Variants in SLC16A11 observed in about 807,000 individuals in gnomAD.
SLC16A11 encodes monocarboxylate transporter 11.
In SLC16A11, 24 loss-of-function variants were observed where a neutral mutation model predicts 26.0. The observed-to-expected ratio is 0.92, with a 90% CI of 0.67 to 1.30. SLC16A11 has a LOEUF of 1.30. SLC16A11 is among the 50% of genes most tolerant of loss of function. The pLI is 0.00. For missense variants in SLC16A11, 638 were observed against 597.7 expected, an observed-to-expected ratio of 1.07 and a Z score of -0.70; for synonymous variants, 332 against 296.0, an observed-to-expected ratio of 1.12 and a Z score of -1.25.
rs762730143 is a variant in SLC16A11, at chr17:7,042,426, G to T, written c.684C>A (p.Ala228=). The change falls in exon 4 of 5, where the codon GCC becomes GCA. Residue 228 remains alanine (A), a synonymous_variant. Transcript: ENST00000574600. This position sits in a 1 kb window ranked among gnomAD's most constrained non-coding sequence, Gnocchi z 5.9. ...RAFSIFALGT[A]LVGGGYFVPY... is the part of the protein sequence containing the mutation. ...GAACGAAGTACCCGCCCCCAACCAG[G>T]GCTGTGCCTAGAGCAAAGATTGAGA... 6.4e-7 allele frequency: 1 copy of T among 1,558,586 alleles called. No individual in the cohort carries two copies. The highest frequency in any genetic ancestry group is 8.7e-7 in the Non-Finnish European group (1 of 1,150,722).
In SLC16A11 at chr17:7,041,703, G is replaced by T. The variant is rs758762608; in HGVS notation, c.1320C>A (p.Gly440=). Residue 440 remains glycine, a synonymous_variant, in exon 5 of 5, where the codon GGC becomes GGA. Transcript: ENST00000574600. ...ATCAACAAGTGGTGTCCAGAGTGGA[G>T]CCAGGGCCTCCTGGGGACAGCAAGA... is the stretch of plus-strand genomic sequence containing the variant. ...QAVLLSPGGP[G]STLDTTC is the part of the protein sequence containing the mutation. 2 of 1,610,546 alleles carry T rather than the reference G, an allele frequency of 1.2e-6. No homozygotes were observed. The highest frequency in any genetic ancestry group is 1.7e-6 in the Non-Finnish European group (2 of 1,178,444).
chr17:7,041,975 T>C (rs1910759053), intron 4 of SLC16A11, 21 bp downstream of exon 4: 3 of 1,591,514 alleles, frequency 1.9e-6, no homozygotes, highest in Non-Finnish European at 2.6e-6. Context: ...TGTAGGCAGA[T>C]CTGTGAGCTC....
rs1395992197 is a variant in SLC16A11 at position 7,042,132 on chromosome 17, C to A, written c.978G>T (p.Gly326=). 6.3e-7 allele frequency: 1 copy of A among 1,595,956 alleles called. No homozygotes were observed. The highest frequency in any genetic ancestry group is 2.3e-5 in the East Asian group (1 of 43,818). ...GCGGGGCGTAACTCCCCGCGCTCAGCCCATAGGCCACAGCCGCGGCCAGCA... is the reference window on the plus strand; with the variant it reads ...GCGGGGCGTAACTCCCCGCGCTCAGACCATAGGCCACAGCCGCGGCCAGCA... ...GPLLAAAVAY[G]LSAGSYAPLV... Residue 326 remains glycine (G), a synonymous_variant, in exon 4 of 5, where the codon GGG becomes GGT. Coordinates refer to ENST00000574600, the MANE Select transcript of SLC16A11 (RefSeq NM_001370549.1). The surrounding 1 kb of genome is among the most constrained non-coding windows in gnomAD (Gnocchi z 5.9).
At position 7,042,767 on chromosome 17, in the gene SLC16A11, C is replaced by T. The variant is rs1016565053; in HGVS notation, c.347-4G>A. 3 of 1,536,814 alleles carry T rather than the reference C, an allele frequency of 2.0e-6. No individual in the cohort carries two copies. Among genetic ancestry groups the T allele is most frequent in the Non-Finnish European group, 2.6e-6 (3 of 1,143,600 alleles). Reference sequence around the variant, plus strand: ...AACACCAGGGCCCAACCAAAGCCTGCGAATGAATAGGAGGGGATGGGGGCC... The same window carrying T: ...AACACCAGGGCCCAACCAAAGCCTGTGAATGAATAGGAGGGGATGGGGGCC... On this transcript the variant is annotated splice_region_variant and splice_polypyrimidine_tract_variant and intron_variant, in intron 3 of 4. Coordinates refer to ENST00000574600, the MANE Select transcript of SLC16A11 (RefSeq NM_001370549.1). The surrounding 1 kb of genome is among the most constrained non-coding windows in gnomAD (Gnocchi z 5.9).
chr17:7,042,186 C>A lies in SLC16A11; in HGVS notation c.924G>T (p.Val308=), dbSNP rs758007262. ...GLWVVGLVPV[V]GGEESWGGPL... ...GACCCCCCCAGCTCTCTTCGCCGCC[C>A]ACCACGGGCACCAGCCCCACCACCC... The change falls in exon 4 of 5, where the codon GTG becomes GTT. Residue 308 remains valine (V), a synonymous_variant. Coordinates refer to ENST00000574600, the MANE Select transcript of SLC16A11 (RefSeq NM_001370549.1). This position sits in a 1 kb window ranked among gnomAD's most constrained non-coding sequence, Gnocchi z 5.9. 8 of 1,568,130 alleles carry A rather than the reference C, an allele frequency of 5.1e-6. No individual in the cohort carries two copies. In the East Asian group the frequency reaches 1.9e-4, roughly 38 times the overall value.
Position 7,042,746 on chromosome 17 carries a change from C to A in SLC16A11, c.364G>T (p.Val122Leu). Residue 122 changes from valine to leucine, a missense_variant, in exon 4 of 5, where the codon GTG (valine) becomes TTG (leucine). Coordinates refer to ENST00000574600, the MANE Select transcript of SLC16A11 (RefSeq NM_001370549.1). The surrounding 1 kb of genome is among the most constrained non-coding windows in gnomAD (Gnocchi z 5.9). ...AGGGTGCCTAGGGCGGGGGCGAACA[C>A]CAGGGCCCAACCAAAGCCTGCGAAT... ...GLLAGFGWAL[V>L]FAPALGTLSR... 1 of 1,539,140 alleles carries A rather than the reference C, an allele frequency of 6.5e-7. No individual in the cohort carries two copies. The highest frequency in any genetic ancestry group is 1.2e-5 in the South Asian group (1 of 84,272).
At position 7,043,039 on chromosome 17, in the gene SLC16A11, C is replaced by G; in HGVS notation, c.237G>C (p.Gly79=). 6.4e-7 allele frequency: 1 copy of G among 1,572,418 alleles called. No individual in the cohort carries two copies. The highest frequency in any genetic ancestry group is 1.2e-5 in the South Asian group (1 of 86,858). ...PVGSALSTRW[G]ARPVVMVGGV... ...CCCCAACCATCACCACGGGGCGGGC[C>G]CCCCAGCGCGTGCTCAGGGCGCTGC... Residue 79 remains glycine (G), a synonymous_variant, in exon 3 of 5, where the codon GGG becomes GGC. Transcript: ENST00000574600.
chr17:7,043,770 C>A lies in SLC16A11; in HGVS notation c.-7+5G>T. 1.6e-6 allele frequency: 1 copy of A among 609,774 alleles called. No individual in the cohort carries two copies. Among genetic ancestry groups the A allele is most frequent in the Non-Finnish European group, 2.6e-6 (1 of 381,766 alleles). 37.8% of individuals were successfully genotyped at this position (609,774 alleles called of 1,614,324 possible). ...CCCGTCCCACGCACACTCCTTCCCC[C>A]TTACCCGACCTCTCCGGGCGGTGCG... is the stretch of plus-strand genomic sequence containing the variant. On this transcript the variant is annotated splice_donor_5th_base_variant and intron_variant, in intron 1 of 4. Transcript: ENST00000574600.
rs1158673459 is a variant in SLC16A11, at chr17:7,042,899, C to T, written c.346+31G>A. The T allele has an allele frequency of 1.9e-6, 3 of 1,612,504 alleles. No individual in the cohort carries two copies. The African/African-American group carries it at 4.0e-5, about 22-fold the overall frequency. ...ACAAGCTCCTGTCACCTCCTTCACC[C>T]TGAATGACCCGGGCATCCCACTTCC... is the stretch of plus-strand genomic sequence containing the variant. On this transcript the variant is annotated intron_variant, in intron 3 of 4. Coordinates refer to ENST00000574600, the MANE Select transcript of SLC16A11 (RefSeq NM_001370549.1). The surrounding 1 kb of genome is among the most constrained non-coding windows in gnomAD (Gnocchi z 5.9).
chr17:7,042,167 C>G lies in SLC16A11; in HGVS notation c.943G>C (p.Gly315Arg). The change falls in exon 4 of 5, where the codon GGG becomes CGG. Residue 315 changes from glycine to arginine, a missense_variant. Gly to Arg is a moderately radical substitution (Grantham distance 125, BLOSUM62 -2). Transcript: ENST00000574600. This position sits in a 1 kb window ranked among gnomAD's most constrained non-coding sequence, Gnocchi z 5.9. ...ACAGCCGCGGCCAGCAGGGGACCCCCCCAGCTCTCTTCGCCGCCCACCACG... is the reference window on the plus strand; with the variant it reads ...ACAGCCGCGGCCAGCAGGGGACCCCGCCAGCTCTCTTCGCCGCCCACCACG... ...VPVVGGEESW[G>R]GPLLAAAVAY... is the part of the protein sequence containing the mutation. 1 of 1,575,274 alleles carries G rather than the reference C, an allele frequency of 6.3e-7. No homozygotes were observed. Among genetic ancestry groups the G allele is most frequent in the Non-Finnish European group, 8.6e-7 (1 of 1,162,312 alleles).
chr17:7,043,079 A>G lies in SLC16A11; in HGVS notation c.203-6T>C, dbSNP rs1910840715. On this transcript the variant is annotated splice_region_variant and splice_polypyrimidine_tract_variant and intron_variant, in intron 2 of 4. Coordinates refer to ENST00000574600, the MANE Select transcript of SLC16A11 (RefSeq NM_001370549.1). ...CAGGGCGCTGCCCACGGGGCCTGAA[A>G]GGGGGCGGAGTCAACGGAAGACACG... The G allele has an allele frequency of 2.0e-6, 3 of 1,530,742 alleles. No homozygotes were observed. The highest frequency in any genetic ancestry group is 2.8e-5 in the African/African-American group (2 of 72,248). The allele number at this position is 1,530,742 out of a possible 1,614,324, so 94.8% of individuals were successfully genotyped here.
rs780047693 is a variant in SLC16A11 at position 7,042,919 on chromosome 17, A to T, written c.346+11T>A. ...TCACCCTGAATGACCCGGGCATCCCACTTCCCTCACCAGCGAGGAGGCCCA... is the reference window on the plus strand; with the variant it reads ...TCACCCTGAATGACCCGGGCATCCCTCTTCCCTCACCAGCGAGGAGGCCCA... On this transcript the variant is annotated intron_variant, in intron 3 of 4. Transcript: ENST00000574600. This position sits in a 1 kb window ranked among gnomAD's most constrained non-coding sequence, Gnocchi z 5.9. The T allele has an allele frequency of 1.9e-6, 3 of 1,612,546 alleles. No homozygotes were observed. Among genetic ancestry groups the T allele is most frequent in the Non-Finnish European group, 2.5e-6 (3 of 1,179,704 alleles).
Position 7,043,805 on chromosome 17 carries a change from A to G in SLC16A11, c.-37T>C, listed in dbSNP as rs1910883984. The G allele has an allele frequency of 2.0e-6, 1 of 509,400 alleles. No homozygotes were observed. Among genetic ancestry groups the G allele is most frequent in the Admixed American group, 3.8e-5 (1 of 26,010 alleles). 31.6% of individuals were successfully genotyped at this position (509,400 alleles called of 1,614,324 possible). A position where few individuals can be genotyped will look rare whatever the true frequency, so the allele number is the denominator to read the frequency against. On this transcript the variant is annotated 5_prime_UTR_variant, in exon 1 of 5. Transcript: ENST00000574600. ...CTCTCCGGGCGGTGCGGGGAGGGGA[A>G]GGGTGAGGAAGGGCTGGGCCCGGCT... is the stretch of plus-strand genomic sequence containing the variant.
At position 7,042,925 on chromosome 17, in the gene SLC16A11, C is replaced by T. The variant is rs746773267; in HGVS notation, c.346+5G>A. On this transcript the variant is annotated splice_donor_5th_base_variant and intron_variant, in intron 3 of 4. Transcript: ENST00000574600. The surrounding 1 kb of genome is among the most constrained non-coding windows in gnomAD (Gnocchi z 5.9). Reference sequence around the variant, plus strand: ...TGAATGACCCGGGCATCCCACTTCCCTCACCAGCGAGGAGGCCCAGGCCGA... The same window carrying T: ...TGAATGACCCGGGCATCCCACTTCCTTCACCAGCGAGGAGGCCCAGGCCGA... 1 of 1,612,726 alleles carries T rather than the reference C, an allele frequency of 6.2e-7. No individual in the cohort carries two copies. The highest frequency in any genetic ancestry group is 8.5e-7 in the Non-Finnish European group (1 of 1,179,772).
At position 7,042,520 on chromosome 17, in the gene SLC16A11, C is replaced by T; in HGVS notation, c.590G>A (p.Gly197Glu). The T allele has an allele frequency of 6.4e-7, 1 of 1,565,598 alleles. No homozygotes were observed. Among genetic ancestry groups the T allele is most frequent in the Non-Finnish European group, 8.7e-7 (1 of 1,155,412 alleles). Residue 197 changes from glycine (G) to glutamate (E), a missense_variant, in exon 4 of 5, where the codon GGA (glycine) becomes GAA (glutamate). Transcript: ENST00000574600. The surrounding 1 kb of genome is among the most constrained non-coding windows in gnomAD (Gnocchi z 5.9). ...GALLLPLVLPGDPPAPPRSPL... is the reference protein window; with the variant it reads ...GALLLPLVLPEDPPAPPRSPL... ...ACTACGCGGTGGGGCTGGGGGGTCTCCAGGAAGGACCAGGGGTAGCAGCAG... is the reference window on the plus strand; with the variant it reads ...ACTACGCGGTGGGGCTGGGGGGTCTTCAGGAAGGACCAGGGGTAGCAGCAG...
At position 7,042,778 on chromosome 17, in the gene SLC16A11, G is replaced by A. The variant is rs770972042; in HGVS notation, c.347-15C>T. 9.3e-5 allele frequency: 143 copies of A among 1,541,292 alleles called. No homozygotes were observed. Among genetic ancestry groups the A allele is most frequent in the Non-Finnish European group, 1.2e-4 (140 of 1,146,016 alleles). ...CCAACCAAAGCCTGCGAATGAATAG[G>A]AGGGGATGGGGGCCGGCACTGGGGA... On this transcript the variant is annotated splice_polypyrimidine_tract_variant and intron_variant, in intron 3 of 4. Coordinates refer to ENST00000574600, the MANE Select transcript of SLC16A11 (RefSeq NM_001370549.1). The surrounding 1 kb of genome is among the most constrained non-coding windows in gnomAD (Gnocchi z 5.9).
chr17:7,042,983 G>A lies in SLC16A11; in HGVS notation c.293C>T (p.Ser98Leu), dbSNP rs1331887223. Residue 98 changes from serine (S) to leucine (L), a missense_variant, in exon 3 of 5, where the codon TCG becomes TTG. By Grantham distance (145) the Ser-to-Leu change is moderately radical (BLOSUM62 -2). Transcript: ENST00000574600. This position sits in a 1 kb window ranked among gnomAD's most constrained non-coding sequence, Gnocchi z 5.9. ...ATGCAGCAGATCGCTGGCGAAAGCC[G>A]AGAAGACGAAGCCCAGCGAGGCGAG... ...GVLASLGFVF[S>L]AFASDLLHLY... The A allele has an allele frequency of 1.9e-6, 3 of 1,611,548 alleles. No homozygotes were observed. Among genetic ancestry groups the A allele is most frequent in the African/African-American group, 2.7e-5 (2 of 74,914 alleles).
At chr17:7,043,166 T>C (rs1290036129) in intron 2 of SLC16A11, 93 bp from the exon 3 acceptor site, 3 of 1,459,150 alleles carry the variant, frequency 2.1e-6, no homozygotes, top group East Asian at 2.5e-5. Context: ...CTCGAACTAA[T>C]GGTTCTTCTC....
rs1333889786 is a variant in SLC16A11 at position 7,042,605 on chromosome 17, A to C, written c.505T>G (p.Trp169Gly). ...CCGAGGAGGAGCAGAGCGCCCCGCC[A>C]GCCGAAAGTATCGAGAAGAAGCTGC... ...ALQLLLDTFG[W>G]RGALLLLGAI... Residue 169 changes from tryptophan (W) to glycine (G), a missense_variant, in exon 4 of 5, where the codon TGG becomes GGG. Trp to Gly is a radical substitution (Grantham distance 184). Transcript: ENST00000574600. The surrounding 1 kb of genome is among the most constrained non-coding windows in gnomAD (Gnocchi z 5.9). 1.3e-6 allele frequency: 2 copies of C among 1,585,498 alleles called. No homozygotes were observed. The highest frequency in any genetic ancestry group is 1.7e-6 in the Non-Finnish European group (2 of 1,169,058).
Sources: gnomAD v4.1 joint callset for allele counts on GRCh38, gnomAD v4.1.1 for gene constraint, Gnocchi (gnomAD v3.1) non-coding constraint, MANE v1.5 for transcripts, NCBI Gene and HGNC (gene_info 2026-07-23, HGNC 2026-07-21) for gene names.